LASP1: variants seen among roughly 807,000 people sequenced by gnomAD.
LASP1 encodes LIM and SH3 protein 1.
Under a neutral mutation model 38.6 loss-of-function variants are expected in LASP1, and 10 were observed. The ratio of observed to expected loss-of-function variants is 0.26; its 90% CI spans 0.16 to 0.44. The LOEUF (loss-of-function observed/expected upper bound fraction) is 0.44. Among genes scored for constraint, LASP1 ranks in the 20% least tolerant of loss-of-function variants. The probability of loss-of-function intolerance (pLI) is 1.00; values close to 1 mark genes in which losing one functional copy is unlikely to be tolerated. For synonymous variants in LASP1, 132 were observed against 140.8 expected (o/e 0.94, Z 0.44); for missense variants, 243 against 375.7 (o/e 0.65, Z 2.92).
rs1915242251 is a variant in LASP1 at position 38,919,649 on chromosome 17, T to C, written c.*871T>C. On this transcript the variant is annotated 3_prime_UTR_variant, in exon 7 of 7. Transcript: ENST00000318008. Reference sequence around the variant, plus strand: ...TGTAGGGCAAGGGTGCCTCAGGACCTTTTGGTCTTCAGCCTCCCTCAGCCC... The same window carrying C: ...TGTAGGGCAAGGGTGCCTCAGGACCCTTTGGTCTTCAGCCTCCCTCAGCCC... 1.2e-5 allele frequency: 4 copies of C among 327,194 alleles called. No homozygotes were observed. The highest frequency in any genetic ancestry group is 2.4e-5 in the Non-Finnish European group (4 of 169,978). 20.3% of individuals were successfully genotyped at this position (327,194 alleles called of 1,614,324 possible). A position where few individuals can be genotyped will look rare whatever the true frequency, so the allele number is the denominator to read the frequency against.
intron 2 of LASP1, among the ~76,000 whole-genome samples, chr17:38,889,152 A>G (rs1914230016): frequency 6.6e-6 from 1 of 151,856 alleles, no homozygotes; most frequent in Admixed American, 6.6e-5. Context: ...TCTTTTTGAG[A>G]CGTAGTCTGG....
intron 4 of LASP1, among the ~76,000 whole-genome samples, chr17:38,912,518 C>T (rs1159222032): frequency 2.6e-5 from 4 of 152,140 alleles, no homozygotes; most frequent in Admixed American, 1.3e-4. Context: ...GCCGCAAGCA[C>T]AAGGAGTCAC....
intron 1 of LASP1, among the ~76,000 whole-genome samples, chr17:38,875,564 C>T (rs1256331885): frequency 1.3e-5 from 2 of 152,152 alleles, no homozygotes; most frequent in Admixed American, 1.3e-4. Flanking sequence ...TCCGGCTGGC[C>T]GTCCTCCCCA....
chr17:38,916,074 C>G (rs1351914524), intron 6 of LASP1: 1 of 152,346 alleles, frequency 6.6e-6, no homozygotes, highest in East Asian at 1.9e-4. Flanking sequence ...CCTCCCTCCT[C>G]AATGGGTCTG....
Position 38,881,101 on chromosome 17 carries a change from A to AAAAC in LASP1, c.164+2938_164+2941dup, listed in dbSNP as rs748492145. Reference sequence around the variant, plus strand: ...GAGCGACAGAGCGAGACTCCATCTCAAAACAAACAAACAAACAAACTAAAG... The same window carrying AAAAC: ...GAGCGACAGAGCGAGACTCCATCTCAAAACAAACAAACAAACAAACAAACTAAAG... On this transcript the variant is annotated intron_variant, in intron 2 of 6. Transcript: ENST00000318008. Among the ~76,000 whole-genome samples the AAAAC allele has an allele frequency of 4.0e-4, 61 of 151,948 alleles. 1 individual carries two copies. The highest frequency in any genetic ancestry group is 6.8e-3 in the Middle Eastern group (2 of 292).
rs1364887278 is a variant in LASP1, at chr17:38,918,005, TG to T, written c.613-598del. 6.6e-6 allele frequency among the ~76,000 whole-genome samples: 1 copy of T among 151,878 alleles called. No individual in the cohort carries two copies. Among genetic ancestry groups the T allele is most frequent in the Admixed American group, 6.6e-5 (1 of 15,258 alleles). ...AAGTACAAAAATTAGCCGGGCATGG[TG>T]GTACACGCTTATAGTCCCAGCTACT... On this transcript the variant is annotated intron_variant, in intron 6 of 6. Coordinates refer to ENST00000318008, the MANE Select transcript of LASP1 (RefSeq NM_006148.4). This position sits in a 1 kb window ranked among gnomAD's most constrained non-coding sequence, Gnocchi z 4.4.
intron 4 of LASP1, among the ~76,000 whole-genome samples, chr17:38,910,305 C>T (rs1170144272): frequency 6.6e-6 from 1 of 152,192 alleles, no homozygotes; most frequent in African/African-American, 2.4e-5. Flanking sequence ...CTCAGTTCTG[C>T]AGTTCTGCCA....
intron 3 of LASP1, among the ~76,000 whole-genome samples, chr17:38,897,757 G>A (rs540525657): frequency 3.9e-5 from 6 of 152,258 alleles, no homozygotes; most frequent in East Asian, 1.9e-4. Flanking sequence ...CCCAGAATCC[G>A]CGGGGCCTGT....
intron 4 of LASP1, among the ~76,000 whole-genome samples, chr17:38,909,070 G>A (rs1567703752): frequency 6.6e-6 from 1 of 152,184 alleles, no homozygotes; most frequent in Non-Finnish European, 1.5e-5. Context: ...AGTGAAGTTG[G>A]CTTCCAGCTA....
rs1915262823 is a variant in LASP1 at position 38,920,247 on chromosome 17, G to C, written c.*1469G>C. ...ATCTCTGTCTGGGGCTACAGAATAG[G>C]GTGGCAGAAGTGTCACCCTGTGGGT... On this transcript the variant is annotated 3_prime_UTR_variant, in exon 7 of 7. Coordinates refer to ENST00000318008, the MANE Select transcript of LASP1 (RefSeq NM_006148.4). The C allele has an allele frequency of 2.2e-6, 1 of 444,836 alleles. No individual in the cohort carries two copies. 27.6% of individuals were successfully genotyped at this position (444,836 alleles called of 1,614,324 possible).
chr17:38,914,474 G>A lies in LASP1; in HGVS notation c.507G>A (p.Pro169=), dbSNP rs766077238. The A allele has an allele frequency of 3.1e-5, 50 of 1,598,746 alleles. No homozygotes were observed. The highest frequency in any genetic ancestry group is 4.1e-5 in the Non-Finnish European group (48 of 1,173,132). The change falls in exon 5 of 7, where the codon CCG becomes CCA. Residue 169 remains proline (P), a splice_region_variant and synonymous_variant. Coordinates refer to ENST00000318008, the MANE Select transcript of LASP1 (RefSeq NM_006148.4). ...CTCACCACATCCCGACCAGTGCCCC[G>A]GGTGAGTGCAGGTCCTGTTGGTGCA... ...QQPHHIPTSA[P]VYQQPQQQPV...
At position 38,887,646 on chromosome 17, in the gene LASP1, C is replaced by T. The variant is rs115502264; in HGVS notation, c.165-2774C>T. Reference sequence around the variant, plus strand: ...CAGGACCCAGGTGAGGGCTGGGGGACGGGCACCGCTAGGATCATCTGGATC... The same window carrying T: ...CAGGACCCAGGTGAGGGCTGGGGGATGGGCACCGCTAGGATCATCTGGATC... On this transcript the variant is annotated intron_variant, in intron 2 of 6. Coordinates refer to ENST00000318008, the MANE Select transcript of LASP1 (RefSeq NM_006148.4). 9.2e-3 allele frequency among the ~76,000 whole-genome samples: 1,400 copies of T among 152,214 alleles called. 23 individuals are homozygous for T. The highest frequency in any genetic ancestry group is 0.032 in the African/African-American group (1,320 of 41,532).
intron 4 of LASP1, among the ~76,000 whole-genome samples, chr17:38,910,505 G>A (rs1914906405): frequency 6.6e-6 from 1 of 151,196 alleles, no homozygotes; most frequent in East Asian, 1.9e-4. Context: ...CCCGTTCTTA[G>A]CAGCCGGCTG....
At chr17:38,908,073 A>G (rs900923259) in intron 4 of LASP1, among the ~76,000 whole-genome samples, 2 of 152,182 alleles carry the variant, frequency 1.3e-5, no homozygotes, top group Non-Finnish European at 2.9e-5. Flanking sequence ...TCCCAGAGGA[A>G]AAGGCTCCCT....
chr17:38,916,386 C>T (rs1374194417), intron 6 of LASP1: 1 of 149,974 alleles, frequency 6.7e-6, no homozygotes, highest in African/African-American at 2.5e-5. Flanking sequence ...ATGGTGAAAC[C>T]CCCTGTCTAC....
At chr17:38,912,682 G>T (rs685098) in intron 4 of LASP1, among the ~76,000 whole-genome samples, 44,933 of 151,964 alleles carry the variant, frequency 0.3, 7,193 homozygotes, top group Middle Eastern at 0.5. Flanking sequence ...TGCCATGGGG[G>T]ATGGGAGGTG....
At chr17:38,899,562 A>G (rs11872093) in intron 4 of LASP1, among the ~76,000 whole-genome samples, 106,985 of 151,924 alleles carry the variant, frequency 0.7, 38,317 homozygotes, top group Middle Eastern at 0.78. Flanking sequence ...TTTCAGAAGC[A>G]CAGGCAGCCC....
At chr17:38,913,602 C>G (rs1915018690) in intron 4 of LASP1, among the ~76,000 whole-genome samples, 1 of 152,198 alleles carries the variant, frequency 6.6e-6, no homozygotes, top group Non-Finnish European at 1.5e-5. Flanking sequence ...CATAAAACAC[C>G]TAGCACGGCC....
chr17:38,912,177 G>A (rs532837967), intron 4 of LASP1, among the ~76,000 whole-genome samples: 150 of 152,340 alleles, frequency 9.8e-4, no homozygotes, highest in African/African-American at 2.9e-3. Flanking sequence ...TGATATATGC[G>A]TGCCTGGGAA....
Sources: gnomAD v4.1 joint callset for allele counts (sites outside exome capture counted in the v4.1 genomes callset) on GRCh38, gnomAD v4.1.1 for gene constraint, Gnocchi (gnomAD v3.1) non-coding constraint, MANE v1.5 for transcripts, NCBI Gene and HGNC (gene_info 2026-07-23, HGNC 2026-07-21) for gene names.